Variants in SLC9A9 observed in about 807,000 individuals in gnomAD.
SLC9A9 encodes the protein solute carrier family 9 member A9, also known as sodium/hydrogen exchanger 9.
A neutral mutation model predicts 77.8 loss-of-function variants in SLC9A9; 62 were observed. The ratio of observed to expected loss-of-function variants is 0.80; its 90% CI spans 0.65 to 0.98. SLC9A9 has a LOEUF of 0.98. Ranked by LOEUF, SLC9A9 falls within the 50% of genes least tolerant of loss-of-function variation. SLC9A9 has a pLI of 0.00. For missense variants in SLC9A9, 775 were observed against 774.9 expected, an observed-to-expected ratio of 1.00 and a Z score of 0.00; for synonymous variants, 320 against 283.5, an observed-to-expected ratio of 1.13 and a Z score of -1.29.
chr3:143,397,200 A>G (rs182468836), intron 12 of SLC9A9, among the ~76,000 whole-genome samples: 4 of 152,338 alleles, frequency 2.6e-5, no homozygotes, highest in Admixed American at 2.6e-4. Flanking sequence ...AGGAAGACAG[A>G]TGTAATAGCT....
At chr3:143,845,251 A>T (rs1995529) in intron 1 of SLC9A9, among the ~76,000 whole-genome samples, 137,420 of 152,202 alleles carry the variant, frequency 0.9, 62,936 homozygotes, top group South Asian at 0.99. Flanking sequence ...TGGATTTATG[A>T]TCTTTAAGGC....
intron 8 of SLC9A9, among the ~76,000 whole-genome samples, chr3:143,559,279 A>G (rs2037041652): frequency 6.6e-6 from 1 of 152,170 alleles, no homozygotes; most frequent in East Asian, 1.9e-4. Context: ...AATATGTTAG[A>G]CCTAGAACTA....
chr3:143,434,583 C>T (rs746777391), intron 12 of SLC9A9, among the ~76,000 whole-genome samples: 1 of 152,108 alleles, frequency 6.6e-6, no homozygotes, highest in Non-Finnish European at 1.5e-5. Context: ...AAAAGAGAAT[C>T]CTTTCCACTC....
intron 14 of SLC9A9, among the ~76,000 whole-genome samples, chr3:143,346,012 TGCAAAGATTTTTTTTTTAATTAA>T (rs2032261781): frequency 2.0e-5 from 3 of 152,240 alleles, no homozygotes; most frequent in African/African-American, 7.2e-5. Context: ...AGCTACTGAA[TGCAAAGATTTTTTTTTTAATTAA>T]GCTAAAGGGA....
intron 6 of SLC9A9, among the ~76,000 whole-genome samples, chr3:143,642,550 A>G (rs1166000485): frequency 6.6e-6 from 1 of 152,236 alleles, no homozygotes; most frequent in Non-Finnish European, 1.5e-5. Context: ...AATTAGTGTT[A>G]ATTTATCCAG....
intron 4 of SLC9A9, among the ~76,000 whole-genome samples, chr3:143,702,904 C>T (rs1933846242): frequency 6.6e-6 from 1 of 151,688 alleles, no homozygotes; most frequent in Non-Finnish European, 1.5e-5. Flanking sequence ...TCAATGGAAA[C>T]CAAAAAAGAG....
rs1355076551 is a variant in SLC9A9 at position 143,426,524 on chromosome 3, C to CTT, written c.1469+40511_1469+40512dup. ...AAAATGTAGTAGCAATTTTTCTAGC[C>CTT]TTTTTGTCCTCCCTTTTGTTCTTGT... On this transcript the variant is annotated intron_variant, in intron 12 of 15. Coordinates refer to ENST00000316549, the MANE Select transcript of SLC9A9 (RefSeq NM_173653.4). Among the ~76,000 whole-genome samples the CTT allele has an allele frequency of 1.4e-4, 21 of 152,200 alleles. 1 individual carries two copies. In the East Asian group the frequency reaches 3.9e-3, roughly 28 times the overall value.
At chr3:143,782,692 T>C (rs905023459) in intron 4 of SLC9A9, among the ~76,000 whole-genome samples, 1 of 152,216 alleles carries the variant, frequency 6.6e-6, no homozygotes, top group African/African-American at 2.4e-5. Context: ...ATTTCTACTA[T>C]CTCTTCGTCA....
intron 10 of SLC9A9, among the ~76,000 whole-genome samples, chr3:143,494,317 TA>T (rs1447121090): frequency 6.6e-6 from 1 of 152,236 alleles, no homozygotes; most frequent in Non-Finnish European, 1.5e-5. Flanking sequence ...TAAAAGTTTA[TA>T]AGTAAAAGTC....
chr3:143,582,049 G>T (rs183631858), intron 6 of SLC9A9, among the ~76,000 whole-genome samples: 27 of 152,330 alleles, frequency 1.8e-4, no homozygotes, highest in Non-Finnish European at 3.4e-4. Flanking sequence ...AGAAAGAAAA[G>T]CATGAAGGAA....
chr3:143,562,348 G>A (rs1236970807), intron 8 of SLC9A9, among the ~76,000 whole-genome samples: 3 of 152,220 alleles, frequency 2.0e-5, no homozygotes, highest in East Asian at 3.9e-4. Flanking sequence ...TGAGAGATGA[G>A]AAAAATTTGG....
At chr3:143,671,189 T>C (rs1576648944) in intron 5 of SLC9A9, among the ~76,000 whole-genome samples, 1 of 152,206 alleles carries the variant, frequency 6.6e-6, no homozygotes, top group African/African-American at 2.4e-5. Flanking sequence ...CTAGTAGACG[T>C]ATTCAGATGG....
intron 4 of SLC9A9, among the ~76,000 whole-genome samples, chr3:143,726,019 C>A (rs1306775939): frequency 6.6e-6 from 1 of 151,444 alleles, no homozygotes; most frequent in Non-Finnish European, 1.5e-5. Flanking sequence ...CCTATTGTAC[C>A]TGGTAATGGT....
intron 12 of SLC9A9, among the ~76,000 whole-genome samples, chr3:143,464,989 A>T (rs550088720): frequency 6.6e-6 from 1 of 152,282 alleles, no homozygotes; most frequent in Admixed American, 6.5e-5. Context: ...TCTAGTTCCC[A>T]GCTGAGATCA....
chr3:143,591,310 G>A (rs1478135025), intron 6 of SLC9A9, among the ~76,000 whole-genome samples: 1 of 152,210 alleles, frequency 6.6e-6, no homozygotes, highest in Non-Finnish European at 1.5e-5. Context: ...AAAGCACATA[G>A]TTATCTTCTT....
At chr3:143,280,198 A>G (rs1434301892) in intron 14 of SLC9A9, among the ~76,000 whole-genome samples, 3 of 149,184 alleles carry the variant, frequency 2.0e-5, no homozygotes, top group Admixed American at 1.3e-4. Flanking sequence ...CCCAAACTCT[A>G]TGGACTCCTG....
chr3:143,437,436 G>C (rs1028625056), intron 12 of SLC9A9, among the ~76,000 whole-genome samples: 2 of 152,248 alleles, frequency 1.3e-5, no homozygotes, highest in African/African-American at 4.8e-5. Context: ...TAGAGGAAGT[G>C]GCGCCCAGCA....
intron 14 of SLC9A9, among the ~76,000 whole-genome samples, chr3:143,271,643 G>A (rs1033351862): frequency 5.3e-5 from 8 of 152,142 alleles, no homozygotes; most frequent in African/African-American, 1.9e-4. Flanking sequence ...ATTTTAAGGT[G>A]GTTCTATACC....
rs1020766692 is a variant in SLC9A9 at position 143,610,854 on chromosome 3, C to T, written c.756-32131G>A. Among the ~76,000 whole-genome samples, 4 of 152,170 alleles carry T rather than the reference C, an allele frequency of 2.6e-5. No individual in the cohort carries two copies. The East Asian group carries it at 7.7e-4, about 29-fold the overall frequency. On this transcript the variant is annotated intron_variant, in intron 6 of 15. Coordinates refer to ENST00000316549, the MANE Select transcript of SLC9A9 (RefSeq NM_173653.4). ...ATTTCTTAGTTATCCTACAGTGAGG[C>T]TCACCAGTTGATGAGCTTAGAACTT... is the stretch of plus-strand genomic sequence containing the variant.
Sources: gnomAD v4.1 joint callset for allele counts (sites outside exome capture counted in the v4.1 genomes callset) on GRCh38, gnomAD v4.1.1 for gene constraint, MANE v1.5 for transcripts, NCBI Gene and HGNC (gene_info 2026-07-23, HGNC 2026-07-21) for gene names.